SH3BGR: variants seen among roughly 807,000 people sequenced by gnomAD.
SH3BGR encodes the protein SH3 domain-binding glutamic acid-rich protein.
In SH3BGR, 29 loss-of-function variants were observed where a neutral mutation model predicts 24.5. The observed-to-expected ratio is 1.18, with a 90% CI of 0.88 to 1.61. The LOEUF (loss-of-function observed/expected upper bound fraction) is 1.61, where lower values mean the gene tolerates loss of function less well. Ranked by LOEUF, SH3BGR falls within the 40% of genes most tolerant of loss-of-function variation. The pLI is 0.00. For missense variants in SH3BGR, 162 were observed against 205.8 expected, an observed-to-expected ratio of 0.79 and a Z score of 1.30; for synonymous variants, 55 against 65.7, an observed-to-expected ratio of 0.84 and a Z score of 0.79.
chr21:39,465,562 G>C (rs967326248), intron 2 of SH3BGR, among the ~76,000 whole-genome samples: 3 of 152,074 alleles, frequency 2.0e-5, no homozygotes, highest in African/African-American at 7.2e-5. Context: ...CTGCATCTCA[G>C]AGTTCACAGT....
chr21:39,507,144 T>C (rs1487603878), intron 4 of SH3BGR, among the ~76,000 whole-genome samples: 1 of 152,166 alleles, frequency 6.6e-6, no homozygotes, highest in Non-Finnish European at 1.5e-5. Context: ...TAAAGGTTAG[T>C]TTGAAGATTC....
intron 1 of SH3BGR, among the ~76,000 whole-genome samples, chr21:39,456,121 T>C (rs548983498): frequency 6.6e-6 from 1 of 152,290 alleles, no homozygotes; most frequent in African/African-American, 2.4e-5. Context: ...ATAGCTTTTT[T>C]CCCATCCCAC....
In SH3BGR at chr21:39,485,788, C is replaced by T. The variant is rs527564153; in HGVS notation, c.312+10573C>T. On this transcript the variant is annotated intron_variant, in intron 3 of 6. Transcript: ENST00000333634. Reference sequence around the variant, plus strand: ...CTGCAAGCTCCACCTCCAGGGTTCACGCCATTCTCCTGCCTCAGCCTCCTG... The same window carrying T: ...CTGCAAGCTCCACCTCCAGGGTTCATGCCATTCTCCTGCCTCAGCCTCCTG... Among the ~76,000 whole-genome samples, 24 of 151,592 alleles carry T rather than the reference C, an allele frequency of 1.6e-4. No individual in the cohort carries two copies. The South Asian group carries it at 2.5e-3, about 16-fold the overall frequency.
At chr21:39,446,675 T>C (rs2077479135) in intron 1 of SH3BGR, among the ~76,000 whole-genome samples, 1 of 152,230 alleles carries the variant, frequency 6.6e-6, no homozygotes, top group South Asian at 2.1e-4. Context: ...TTGAGTGCCA[T>C]TTGTCCTTAT....
chr21:39,452,245 G>T (rs2077587091), intron 1 of SH3BGR, 104 bp downstream of exon 1: 1 of 1,338,296 alleles, frequency 7.5e-7, no homozygotes, highest in Non-Finnish European at 1.1e-6. Flanking sequence ...CGTGTAGTCA[G>T]CTGTGGCTCT....
Position 39,462,357 on chromosome 21 carries a change from T to C in SH3BGR, c.46-18T>C. On this transcript the variant is annotated intron_variant, in intron 1 of 6. Coordinates refer to ENST00000333634, the MANE Select transcript of SH3BGR (RefSeq NM_007341.3). ...ATATTTTTCATAAACAGCCTAATAT[T>C]TCTCTACTCTTGACCAGATTAGGAA... is the stretch of plus-strand genomic sequence containing the variant. 1 of 1,574,672 alleles carries C rather than the reference T, an allele frequency of 6.4e-7. No individual in the cohort carries two copies.
chr21:39,453,639 A>G (rs541875873), intron 1 of SH3BGR, among the ~76,000 whole-genome samples: 2 of 152,310 alleles, frequency 1.3e-5, no homozygotes, highest in African/African-American at 2.4e-5. Flanking sequence ...TGGAGAGGCA[A>G]TGTTCATCCC....
chr21:39,485,729 C>T (rs2078200936), intron 3 of SH3BGR, among the ~76,000 whole-genome samples: 1 of 151,026 alleles, frequency 6.6e-6, no homozygotes, highest in Admixed American at 6.6e-5. Context: ...GCTCTGTCGC[C>T]CAGGCTGGAG....
chr21:39,488,500 A>G, intron 3 of SH3BGR: 1 of 349,730 alleles, frequency 2.9e-6, no homozygotes. Context: ...AGGAGTGATG[A>G]GATGAATGTG....
In SH3BGR at chr21:39,461,382, C is replaced by T. The variant is rs147345068; in HGVS notation, c.46-993C>T. On this transcript the variant is annotated intron_variant, in intron 1 of 6. Coordinates refer to ENST00000333634, the MANE Select transcript of SH3BGR (RefSeq NM_007341.3). ...GAACTCCTGACCTCAGGTGATCTGT[C>T]CACCTTGGCCTCCTAAAGTGCTGGG... Among the ~76,000 whole-genome samples the T allele has an allele frequency of 1.4e-3, 213 of 152,212 alleles. 2 individuals carry two copies. Among genetic ancestry groups the T allele is most frequent in the African/African-American group, 4.7e-3 (195 of 41,538 alleles).
At chr21:39,502,515 C>T (rs527797948) in intron 4 of SH3BGR, among the ~76,000 whole-genome samples, 2 of 152,306 alleles carry the variant, frequency 1.3e-5, no homozygotes, top group African/African-American at 2.4e-5. Flanking sequence ...TTAGAATATT[C>T]GTGGGCCCAC....
At chr21:39,508,957 G>T in intron 4 of SH3BGR, 41 bp from the exon 5 acceptor site, 2 of 384,924 alleles carry the variant, frequency 5.2e-6, no homozygotes, top group Non-Finnish European at 4.0e-6. Context: ...AAACGTACTT[G>T]AATTATGTTT....
chr21:39,451,923 C>G, upstream of SH3BGR: 1 of 1,614,126 alleles, frequency 6.2e-7, no homozygotes, highest in Non-Finnish European at 8.5e-7. Flanking sequence ...TCTGCTGCTC[C>G]TTGGAGAGAC....
intron 3 of SH3BGR, among the ~76,000 whole-genome samples, chr21:39,493,378 T>C (rs1377999387): frequency 1.3e-5 from 2 of 152,242 alleles, no homozygotes; most frequent in Non-Finnish European, 2.9e-5. Flanking sequence ...AGGGTGTCCT[T>C]TCCCCACTTT....
chr21:39,501,101 G>A (rs1031773711), intron 4 of SH3BGR, among the ~76,000 whole-genome samples: 1 of 152,170 alleles, frequency 6.6e-6, no homozygotes, highest in Admixed American at 6.5e-5. Context: ...TCATTATCTT[G>A]TAATTAAAAC....
At chr21:39,491,538 A>G (rs2078299192) in intron 3 of SH3BGR, 1 of 273,856 alleles carries the variant, frequency 3.7e-6, no homozygotes, top group Non-Finnish European at 7.1e-6. Context: ...CTAAGGCCTC[A>G]GCTACTTACA....
chr21:39,465,475 C>A (rs74649817), intron 2 of SH3BGR, among the ~76,000 whole-genome samples: 27,758 of 152,144 alleles, frequency 0.18, 2,665 homozygotes, highest in Middle Eastern at 0.27. Context: ...CAGAAATTTT[C>A]TATGTAGATT....
chr21:39,482,606 A>T (rs574800470), intron 3 of SH3BGR, among the ~76,000 whole-genome samples: 1 of 152,346 alleles, frequency 6.6e-6, no homozygotes, highest in South Asian at 2.1e-4. Context: ...GCAAGTGTTC[A>T]ATCTATGTAG....
At chr21:39,474,063 G>T (rs1010528268) in intron 2 of SH3BGR, among the ~76,000 whole-genome samples, 3 of 152,080 alleles carry the variant, frequency 2.0e-5, no homozygotes, top group Non-Finnish European at 2.9e-5. Flanking sequence ...GATCTGCCAG[G>T]CTCAAGTGAT....
Sources: gnomAD v4.1 joint callset for allele counts (sites outside exome capture counted in the v4.1 genomes callset) on GRCh38, gnomAD v4.1.1 for gene constraint, MANE v1.5 for transcripts, NCBI Gene and HGNC (gene_info 2026-07-23, HGNC 2026-07-21) for gene names.